The following RABGAP1L variants were observed in gnomAD, a reference collection of about 807,000 sequenced individuals.
RABGAP1L encodes the protein RAB GTPase activating protein 1 like, also known as rab GTPase-activating protein 1-like.
A neutral mutation model predicts 137.7 loss-of-function variants in RABGAP1L; 63 were observed. The ratio of observed to expected loss-of-function variants is 0.46; its 90% CI spans 0.37 to 0.56. RABGAP1L has a LOEUF of 0.56. RABGAP1L is among the 20% of genes least tolerant of loss of function. The pLI, the probability that RABGAP1L is intolerant of heterozygous loss-of-function variation, is 0.00. For missense variants in RABGAP1L, 1,095 were observed against 1,244.0 expected (o/e 0.88, Z 1.80); for synonymous variants, 431 against 433.7 (o/e 0.99, Z 0.08).
rs1377182739 is a variant in RABGAP1L, at chr1:174,620,815, A to G, written c.1711-16560A>G. Among the ~76,000 whole-genome samples the G allele has an allele frequency of 1.3e-5, 2 of 152,002 alleles. 1 individual carries two copies. The highest frequency in any genetic ancestry group is 2.9e-5 in the Non-Finnish European group (2 of 68,034). ...AGAAATGAAGGAAATAGAGACACAAAAAACCCTTCAAAAAATCAATGAATA... is the reference window on the plus strand; with the variant it reads ...AGAAATGAAGGAAATAGAGACACAAGAAACCCTTCAAAAAATCAATGAATA... On this transcript the variant is annotated intron_variant, in intron 13 of 25. Transcript: ENST00000681986.
At chr1:174,443,203 T>G (rs1654350063) in intron 13 of RABGAP1L, among the ~76,000 whole-genome samples, 1 of 152,114 alleles carries the variant, frequency 6.6e-6, no homozygotes, top group South Asian at 2.1e-4. Flanking sequence ...ATCTGTTTGA[T>G]ATTGCTGATT....
At chr1:174,790,602 C>G (rs1326183246) in intron 18 of RABGAP1L, among the ~76,000 whole-genome samples, 5 of 148,538 alleles carry the variant, frequency 3.4e-5, no homozygotes, top group Non-Finnish European at 6.0e-5. Context: ...CTATTGCACT[C>G]TAGCCTGGGC....
chr1:174,938,819 C>T (rs1162037018), intron 19 of RABGAP1L, among the ~76,000 whole-genome samples: 2 of 152,194 alleles, frequency 1.3e-5, no homozygotes, highest in South Asian at 4.1e-4. Flanking sequence ...GAGGGCTGGG[C>T]TGGACGCATA....
At chr1:174,823,165 C>T (rs1441715116) in intron 19 of RABGAP1L, among the ~76,000 whole-genome samples, 2 of 151,946 alleles carry the variant, frequency 1.3e-5, no homozygotes, top group Non-Finnish European at 2.9e-5. Context: ...TTCTTTTTTT[C>T]CCTGCACCTA....
intron 24 of RABGAP1L, among the ~76,000 whole-genome samples, chr1:174,985,114 C>T (rs923198301): frequency 1.3e-5 from 2 of 152,218 alleles, no homozygotes; most frequent in Non-Finnish European, 2.9e-5. Context: ...AACAACTAGG[C>T]TCACGCCTGT....
At chr1:174,765,817 A>G (rs1685623818) in intron 18 of RABGAP1L, among the ~76,000 whole-genome samples, 1 of 152,056 alleles carries the variant, frequency 6.6e-6, no homozygotes, top group Non-Finnish European at 1.5e-5. Flanking sequence ...GGTCACGAAA[A>G]TTTCTTCTTC....
At chr1:174,972,029 T>G (rs183592428) in intron 21 of RABGAP1L, among the ~76,000 whole-genome samples, 1 of 152,318 alleles carries the variant, frequency 6.6e-6, no homozygotes, top group Admixed American at 6.5e-5. Context: ...GGCAGAGCCT[T>G]CCTCTCTTGA....
At chr1:174,436,943 A>T (rs929291453) in intron 13 of RABGAP1L, among the ~76,000 whole-genome samples, 15 of 152,374 alleles carry the variant, frequency 9.8e-5, no homozygotes, top group African/African-American at 3.6e-4. Context: ...ACCGCTGCTG[A>T]TACCCAGGCA....
intron 1 of RABGAP1L, among the ~76,000 whole-genome samples, chr1:174,183,868 T>C (rs961797063): frequency 8.3e-5 from 7 of 84,226 alleles, no homozygotes; most frequent in East Asian, 2.4e-4. Context: ...TCAGATTGGC[T>C]TTTTTTTTTT....
chr1:174,573,443 T>C (rs1035954728), intron 13 of RABGAP1L, among the ~76,000 whole-genome samples: 1 of 152,124 alleles, frequency 6.6e-6, no homozygotes, highest in Admixed American at 6.5e-5. Flanking sequence ...TTGATATTTG[T>C]ATTGCGATTA....
chr1:174,432,420 C>G (rs188663689), intron 13 of RABGAP1L, among the ~76,000 whole-genome samples: 1 of 152,256 alleles, frequency 6.6e-6, no homozygotes, highest in East Asian at 1.9e-4. Context: ...AATGTAAGAT[C>G]CACGTACCTT....
chr1:174,637,375 G>T lies in RABGAP1L; in HGVS notation c.1711G>T (p.Asp571Tyr). The T allele has an allele frequency of 4.4e-6, 7 of 1,595,278 alleles. No individual in the cohort carries two copies. The highest frequency in any genetic ancestry group is 6.0e-6 in the Non-Finnish European group (7 of 1,165,882). ...LDRYRILITKDSAQESVITRD... is the reference protein window; with the variant it reads ...LDRYRILITKYSAQESVITRD... ...CAGGTCTATTTTCTTTCTTTTTTAG[G>T]ACTCAGCCCAGGAGAGTGTTATTAC... Residue 571 changes from aspartate to tyrosine, a missense_variant and splice_region_variant, in exon 14 of 26, where the codon GAC (aspartate) becomes TAC (tyrosine). Physicochemically the swap from Asp to Tyr is radical, Grantham distance 160. Coordinates refer to ENST00000681986, the MANE Select transcript of RABGAP1L (RefSeq NM_001366446.1).
intron 3 of RABGAP1L, among the ~76,000 whole-genome samples, chr1:174,224,688 C>T (rs947326867): frequency 4.0e-5 from 6 of 151,804 alleles, no homozygotes; most frequent in African/African-American, 1.5e-4. Context: ...ACATGTATTA[C>T]ATATACATAC....
intron 12 of RABGAP1L, among the ~76,000 whole-genome samples, chr1:174,377,758 T>C (rs1685681949): frequency 7.1e-6 from 1 of 141,486 alleles, no homozygotes; most frequent in Non-Finnish European, 1.6e-5. Flanking sequence ...CAACTGCAAC[T>C]CTTTTTTTTT....
chr1:174,802,564 G>A (rs1365040801), intron 18 of RABGAP1L, among the ~76,000 whole-genome samples: 2 of 152,202 alleles, frequency 1.3e-5, no homozygotes, highest in African/African-American at 4.8e-5. Flanking sequence ...CTGAGATCGT[G>A]CCATTGCACT....
intron 19 of RABGAP1L, among the ~76,000 whole-genome samples, chr1:174,934,712 GC>G (rs2149269720): frequency 6.6e-6 from 1 of 152,208 alleles, no homozygotes; most frequent in African/African-American, 2.4e-5. Flanking sequence ...AATGGCTTGA[GC>G]CCAGGAGGTC....
chr1:174,989,639 T>TAAAGA (rs1671910322), intron 25 of RABGAP1L, among the ~76,000 whole-genome samples: 2 of 152,228 alleles, frequency 1.3e-5, no homozygotes, highest in Non-Finnish European at 2.9e-5. Flanking sequence ...TTTCACTGTT[T>TAAAGA]AAAGAAAGCA....
At chr1:174,401,316 A>G (rs1242298486) in intron 13 of RABGAP1L, among the ~76,000 whole-genome samples, 1 of 152,182 alleles carries the variant, frequency 6.6e-6, no homozygotes. Context: ...TTTTGGTAAA[A>G]TAGGCATAAT....
At chr1:174,765,186 C>A (rs1016982852) in intron 18 of RABGAP1L, among the ~76,000 whole-genome samples, 12 of 152,092 alleles carry the variant, frequency 7.9e-5, no homozygotes, top group Non-Finnish European at 1.5e-5. Flanking sequence ...TTGTTATTGT[C>A]TACTTTATTT....
Sources: gnomAD v4.1 joint callset for allele counts (sites outside exome capture counted in the v4.1 genomes callset) on GRCh38, gnomAD v4.1.1 for gene constraint, MANE v1.5 for transcripts, NCBI Gene and HGNC (gene_info 2026-07-23, HGNC 2026-07-21) for gene names.